PDXK: variants seen among roughly 807,000 people sequenced by gnomAD.
PDXK encodes the protein epididymis secretory sperm binding protein Li 1a.
In PDXK, 15 loss-of-function variants were observed where a neutral mutation model predicts 43.2. The observed-to-expected ratio is 0.35, with a 90% CI of 0.23 to 0.53. The LOEUF (loss-of-function observed/expected upper bound fraction) is 0.53, where lower values mean the gene tolerates loss of function less well. PDXK is among the 20% of genes least tolerant of loss of function. The pLI is 0.92. For synonymous variants in PDXK, 172 were observed against 165.4 expected, an observed-to-expected ratio of 1.04 and a Z score of -0.31; for missense variants, 343 against 417.0, an observed-to-expected ratio of 0.82 and a Z score of 1.54.
chr21:43,723,308 C>T lies in PDXK; in HGVS notation c.87+3927C>T, dbSNP rs2083223678. Reference sequence around the variant, plus strand: ...TAGCTGGGATTACAAGTATGCACCACCACACCTGACTAATTTTTCTGTATT... The same window carrying T: ...TAGCTGGGATTACAAGTATGCACCATCACACCTGACTAATTTTTCTGTATT... On this transcript the variant is annotated intron_variant, in intron 1 of 10. Transcript: ENST00000291565. The surrounding 1 kb of genome is among the most constrained non-coding windows in gnomAD (Gnocchi z 4.1). 6.6e-6 allele frequency among the ~76,000 whole-genome samples: 1 copy of T among 152,104 alleles called. No individual in the cohort carries two copies. The highest frequency in any genetic ancestry group is 1.5e-5 in the Non-Finnish European group (1 of 68,034).
Position 43,757,780 on chromosome 21 carries a change from T to G in PDXK, c.*1717T>G, listed in dbSNP as rs1342807641. 6.6e-6 allele frequency: 1 copy of G among 152,070 alleles called. No individual in the cohort carries two copies. The highest frequency in any genetic ancestry group is 2.4e-5 in the African/African-American group (1 of 41,398). The allele number at this position is 152,070 out of a possible 1,614,324, so 9.4% of individuals were successfully genotyped here. A position where few individuals can be genotyped will look rare whatever the true frequency, so the allele number is the denominator to read the frequency against. ...GCCCGTTGCAGCCCAGAGCCACTGG[T>G]CCCTACAGGGCGCCGCCACACCAGC... On this transcript the variant is annotated 3_prime_UTR_variant, in exon 11 of 11. Coordinates refer to ENST00000291565, the MANE Select transcript of PDXK (RefSeq NM_003681.5).
chr21:43,761,738 G>C lies in PDXK; in HGVS notation c.*5675G>C, dbSNP rs1569001602. ...ACAAAAAGAGGCCTCAGCAGGCCTG[G>C]AAGACCCTTCCAGTACATCCCACAG... On this transcript the variant is annotated 3_prime_UTR_variant, in exon 11 of 11. Coordinates refer to ENST00000291565, the MANE Select transcript of PDXK (RefSeq NM_003681.5). 1 of 152,168 alleles carries C rather than the reference G, an allele frequency of 6.6e-6. No homozygotes were observed. Among genetic ancestry groups the C allele is most frequent in the Non-Finnish European group, 1.5e-5 (1 of 68,038 alleles). The allele number at this position is 152,168 out of a possible 1,614,324, so 9.4% of individuals were successfully genotyped here. A position where few individuals can be genotyped will look rare whatever the true frequency, so the allele number is the denominator to read the frequency against.
chr21:43,726,497 C>T (rs567129037), intron 1 of PDXK, among the ~76,000 whole-genome samples: 2 of 152,154 alleles, frequency 1.3e-5, no homozygotes, highest in African/African-American at 4.8e-5. Context: ...AGGATGGTCT[C>T]GATATCCTGA....
At position 43,723,786 on chromosome 21, in the gene PDXK, C is replaced by G. The variant is rs576938132; in HGVS notation, c.87+4405C>G. 6.6e-6 allele frequency: 1 copy of G among 152,390 alleles called. No homozygotes were observed. Among genetic ancestry groups the G allele is most frequent in the Admixed American group, 6.5e-5 (1 of 15,304 alleles). The allele number at this position is 152,390 out of a possible 1,614,324, so 9.4% of individuals were successfully genotyped here. ...TGGACAGGTAGTAGATTCCCGCTGG[C>G]TGGGTGATATCCGTGTCCTTCATCT... On this transcript the variant is annotated intron_variant, in intron 1 of 10. Transcript: ENST00000291565. The surrounding 1 kb of genome is among the most constrained non-coding windows in gnomAD (Gnocchi z 4.1).
At chr21:43,750,149 A>T (rs1048452973) in intron 6 of PDXK, among the ~76,000 whole-genome samples, 1 of 152,244 alleles carries the variant, frequency 6.6e-6, no homozygotes, top group Non-Finnish European at 1.5e-5. Flanking sequence ...CCATGCGTGC[A>T]TTAATCGCTA....
In PDXK at chr21:43,758,936, G is replaced by A. The variant is rs1333273148; in HGVS notation, c.*2873G>A. 1.3e-5 allele frequency: 2 copies of A among 152,236 alleles called. No individual in the cohort carries two copies. Among genetic ancestry groups the A allele is most frequent in the African/African-American group, 4.8e-5 (2 of 41,458 alleles). The allele number at this position is 152,236 out of a possible 1,614,324, so 9.4% of individuals were successfully genotyped here. A position where few individuals can be genotyped will look rare whatever the true frequency, so the allele number is the denominator to read the frequency against. On this transcript the variant is annotated 3_prime_UTR_variant, in exon 11 of 11. Coordinates refer to ENST00000291565, the MANE Select transcript of PDXK (RefSeq NM_003681.5). ...GTTATTTTTCCAATACATGTAAACA[G>A]TTGCAGCATGATGCTTTGTTTAATG...
intron 2 of PDXK, among the ~76,000 whole-genome samples, chr21:43,740,241 CT>C (rs922325909): frequency 5.9e-5 from 9 of 152,118 alleles, no homozygotes; most frequent in African/African-American, 1.2e-4. Flanking sequence ...AAAGGCGTCC[CT>C]TCCAGCGGGA....
At chr21:43,744,496 T>C (rs1485472519) in intron 4 of PDXK, 4 of 152,784 alleles carry the variant, frequency 2.6e-5, no homozygotes, top group African/African-American at 4.8e-5. Flanking sequence ...TACAGACGTG[T>C]GAGGCCCGGA....
Position 43,735,179 on chromosome 21 carries a change from G to A in PDXK, c.142+1056G>A, listed in dbSNP as rs963255502. Among the ~76,000 whole-genome samples the A allele has an allele frequency of 3.9e-5, 6 of 152,324 alleles. No individual in the cohort carries two copies. The East Asian group carries it at 9.6e-4, about 24-fold the overall frequency. On this transcript the variant is annotated intron_variant, in intron 2 of 10. Transcript: ENST00000291565. This position sits in a 1 kb window ranked among gnomAD's most constrained non-coding sequence, Gnocchi z 5.3. ...ACTGGGTGCTGTGAGATTTGGAGACGTCCCCGAAGACTCAGGCCCTCCAGG... is the reference window on the plus strand; with the variant it reads ...ACTGGGTGCTGTGAGATTTGGAGACATCCCCGAAGACTCAGGCCCTCCAGG...
At position 43,735,546 on chromosome 21, in the gene PDXK, C is replaced by T. The variant is rs899280996; in HGVS notation, c.142+1423C>T. Among the ~76,000 whole-genome samples the T allele has an allele frequency of 3.3e-5, 5 of 152,168 alleles. No individual in the cohort carries two copies. The highest frequency in any genetic ancestry group is 7.2e-5 in the African/African-American group (3 of 41,434). On this transcript the variant is annotated intron_variant, in intron 2 of 10. Transcript: ENST00000291565. This position sits in a 1 kb window ranked among gnomAD's most constrained non-coding sequence, Gnocchi z 5.3. ...ACTGGGATGAGGACAGGACCCCAGGCGCTTGGGAGCCTCCACAGTTGCAGA... is the reference window on the plus strand; with the variant it reads ...ACTGGGATGAGGACAGGACCCCAGGTGCTTGGGAGCCTCCACAGTTGCAGA...
At chr21:43,736,764 C>T (rs775549378) in intron 2 of PDXK, among the ~76,000 whole-genome samples, 12 of 151,190 alleles carry the variant, frequency 7.9e-5, no homozygotes, top group Non-Finnish European at 1.8e-4. Context: ...TCTTAAGTGG[C>T]TGGGTCTACA....
chr21:43,733,994 G>C lies in PDXK; in HGVS notation c.88-75G>C. Reference sequence around the variant, plus strand: ...GGACTCATTTACTCCCCTCTTCTGAGTCAGCACCTGCTGGGGTTCGTGGGA... The same window carrying C: ...GGACTCATTTACTCCCCTCTTCTGACTCAGCACCTGCTGGGGTTCGTGGGA... On this transcript the variant is annotated intron_variant, in intron 1 of 10. Transcript: ENST00000291565. 4.1e-6 allele frequency: 6 copies of C among 1,464,062 alleles called. No individual in the cohort carries two copies. In the South Asian group the frequency reaches 6.8e-5, roughly 17 times the overall value. 90.7% of individuals were successfully genotyped at this position (1,464,062 alleles called of 1,614,324 possible).
intron 1 of PDXK, 127 bp from the exon 2 acceptor site, chr21:43,733,942 C>G (rs2083362614): frequency 1.2e-6 from 1 of 852,744 alleles, no homozygotes; most frequent in African/African-American, 1.7e-5. Flanking sequence ...GCCCTCCAGC[C>G]TGCAGCTGGG....
chr21:43,743,884 C>A, intron 4 of PDXK, 77 bp downstream of exon 4: 5 of 952,510 alleles, frequency 5.2e-6, no homozygotes, highest in South Asian at 1.4e-5. Context: ...CGGGAAGGGA[C>A]GTCTTAGCCT....
rs553949757 is a variant in PDXK, at chr21:43,734,859, C to T, written c.142+736C>T. Among the ~76,000 whole-genome samples the T allele has an allele frequency of 5.1e-4, 77 of 152,292 alleles. No individual in the cohort carries two copies. Among genetic ancestry groups the T allele is most frequent in the Middle Eastern group, 3.4e-3 (1 of 294 alleles). On this transcript the variant is annotated intron_variant, in intron 2 of 10. Coordinates refer to ENST00000291565, the MANE Select transcript of PDXK (RefSeq NM_003681.5). The surrounding 1 kb of genome is among the most constrained non-coding windows in gnomAD (Gnocchi z 5.0). The stretch of plus-strand genomic sequence containing the variant: ...TGTTCTGTTCTTTGAAACCCCACCT[C>T]GCTTCCCCTGAAATTTCTCTGAACC...
intron 1 of PDXK, among the ~76,000 whole-genome samples, chr21:43,727,345 C>G (rs553023478): frequency 6.6e-6 from 1 of 150,994 alleles, no homozygotes; most frequent in Non-Finnish European, 1.5e-5. Flanking sequence ...TGCAATCAGC[C>G]GAGGAGGGGC....
intron 7 of PDXK, among the ~76,000 whole-genome samples, chr21:43,750,777 T>G (rs1022888010): frequency 1.6e-5 from 1 of 61,202 alleles, no homozygotes; most frequent in Non-Finnish European, 3.1e-5. Flanking sequence ...GCGCGTATTG[T>G]GTGTGGGTGT....
At position 43,743,756 on chromosome 21, in the gene PDXK, G is replaced by T; in HGVS notation, c.280G>T (p.Val94Leu). ...GAGGGACAAGTCGTTCCTGGCCATG[G>T]TGGTGGACATTGTGCAGGAGCTGAA... ...YTRDKSFLAM[V>L]VDIVQELKQQ... Residue 94 changes from valine (V) to leucine (L), a missense_variant, in exon 4 of 11, where the codon GTG (valine) becomes TTG (leucine). Val to Leu is a conservative substitution (Grantham distance 32). Transcript: ENST00000291565. 6.2e-7 allele frequency: 1 copy of T among 1,613,866 alleles called. No homozygotes were observed. Among genetic ancestry groups the T allele is most frequent in the Non-Finnish European group, 8.5e-7 (1 of 1,179,824 alleles).
intron 3 of PDXK, 22 bp downstream of exon 3, chr21:43,741,793 C>T (rs1187763915): frequency 1.8e-5 from 27 of 1,496,198 alleles, no homozygotes; most frequent in Admixed American, 3.3e-5. Context: ...AGCAAGCTGC[C>T]GCAGGGGACT....
Sources: allele counts gnomAD v4.1 joint callset (sites outside exome capture counted in the v4.1 genomes callset), GRCh38; gene constraint gnomAD v4.1.1; non-coding constraint Gnocchi (gnomAD v3.1); transcripts MANE v1.5; gene names NCBI Gene and HGNC (gene_info 2026-07-23, HGNC 2026-07-21).